The following CSMD1 variants were observed in gnomAD, a reference collection of about 807,000 sequenced individuals.
The protein encoded by CSMD1 is CUB and Sushi multiple domains 1.
In CSMD1, 213 loss-of-function variants were observed where a neutral mutation model predicts 417.5. That is an observed-to-expected ratio of 0.51 (90% CI 0.46 to 0.57). The LOEUF is 0.57. Among genes scored for constraint, CSMD1 ranks in the 20% least tolerant of loss-of-function variants. The pLI is 0.00. For missense variants in CSMD1, 6,923 were observed against 4,529.7 expected (o/e 1.53, Z -15.17); for synonymous variants, 2,862 against 1,736.8 (o/e 1.65, Z -16.11).
At position 4,355,340 on chromosome 8, in the gene CSMD1, T is replaced by TACAC. The variant is rs1476532531; in HGVS notation, c.415+64612_415+64613insGTGT. ...ACACACACACGCACACACACACACGTATATATGATATATATACACACACAC... is the reference window on the plus strand; with the variant it reads ...ACACACACACGCACACACACACACGTACACATATATGATATATATACACACACAC... On this transcript the variant is annotated intron_variant, in intron 3 of 69. Coordinates refer to ENST00000635120, the MANE Select transcript of CSMD1 (RefSeq NM_033225.6). Among the ~76,000 whole-genome samples, 50 of 135,814 alleles carry TACAC rather than the reference T, an allele frequency of 3.7e-4. 1 individual carries two copies. The highest frequency in any genetic ancestry group is 1.5e-3 in the South Asian group (6 of 3,994). 89.1% of individuals were successfully genotyped at this position (135,814 alleles called of 152,430 possible).
At chr8:4,630,715 G>A (rs1010694724) in intron 2 of CSMD1, among the ~76,000 whole-genome samples, 1 of 152,076 alleles carries the variant, frequency 6.6e-6, no homozygotes, top group Non-Finnish European at 1.5e-5. Context: ...GTCCACCTCT[G>A]GTGCCCTCAC....
intron 39 of CSMD1, among the ~76,000 whole-genome samples, chr8:3,153,363 A>T (rs751779841): frequency 3.9e-5 from 6 of 152,208 alleles, no homozygotes; most frequent in African/African-American, 1.4e-4. Context: ...CTGTCTATGG[A>T]GTAACCATTC....
intron 1 of CSMD1, among the ~76,000 whole-genome samples, chr8:4,641,783 C>T (rs1400631132): frequency 3.3e-5 from 5 of 152,020 alleles, no homozygotes; most frequent in Non-Finnish European, 5.9e-5. Flanking sequence ...TACAGACATT[C>T]GGAAAATCTA....
At chr8:3,330,104 G>C (rs1806795152) in intron 23 of CSMD1, among the ~76,000 whole-genome samples, 1 of 152,128 alleles carries the variant, frequency 6.6e-6, no homozygotes, top group African/African-American at 2.4e-5. Flanking sequence ...GGTCAAAGCA[G>C]GGTAGTGGGT....
chr8:3,444,535 G>C (rs1355691919), intron 12 of CSMD1, among the ~76,000 whole-genome samples: 1 of 152,096 alleles, frequency 6.6e-6, no homozygotes, highest in South Asian at 2.1e-4. Flanking sequence ...AATGTCTGGA[G>C]GCATTGGTAT....
chr8:4,556,999 A>G (rs1769704585), intron 2 of CSMD1, among the ~76,000 whole-genome samples: 2 of 152,244 alleles, frequency 1.3e-5, no homozygotes, highest in South Asian at 4.1e-4. Context: ...CTGAATTTCT[A>G]AAATTGAGAT....
At position 4,895,427 on chromosome 8, in the gene CSMD1, T is replaced by C. The variant is rs558112346; in HGVS notation, c.85+98905A>G. Reference sequence around the variant, plus strand: ...TTTCCCATGCAAAGCCTGAGTAAATTTCATTTTCTGTGATATCAACATTGT... The same window carrying C: ...TTTCCCATGCAAAGCCTGAGTAAATCTCATTTTCTGTGATATCAACATTGT... On this transcript the variant is annotated intron_variant, in intron 1 of 69. Coordinates refer to ENST00000635120, the MANE Select transcript of CSMD1 (RefSeq NM_033225.6). 7.9e-4 allele frequency among the ~76,000 whole-genome samples: 120 copies of C among 152,250 alleles called. 1 individual carries two copies. Among genetic ancestry groups the C allele is most frequent in the African/African-American group, 2.8e-3 (118 of 41,512 alleles).
chr8:4,355,621 A>G (rs929210692), intron 3 of CSMD1, among the ~76,000 whole-genome samples: 3 of 152,224 alleles, frequency 2.0e-5, no homozygotes, highest in Non-Finnish European at 4.4e-5. Context: ...TGAGTTAAAT[A>G]TTGCTTACAG....
intron 58 of CSMD1, among the ~76,000 whole-genome samples, chr8:2,966,318 T>C (rs1046717753): frequency 2.0e-5 from 3 of 152,130 alleles, no homozygotes; most frequent in African/African-American, 7.2e-5. Flanking sequence ...AAGTCTGGAC[T>C]TTTTTGGTCT....
intron 2 of CSMD1, among the ~76,000 whole-genome samples, chr8:4,445,691 A>C (rs1798743349): frequency 6.6e-6 from 1 of 152,158 alleles, no homozygotes; most frequent in African/African-American, 2.4e-5. Flanking sequence ...TCACTTTCCC[A>C]CAACTTGGAA....
At chr8:4,913,676 C>T (rs1305753090) in intron 1 of CSMD1, among the ~76,000 whole-genome samples, 1 of 152,134 alleles carries the variant, frequency 6.6e-6, no homozygotes, top group East Asian at 1.9e-4. Context: ...GATTAGAATT[C>T]CATCTTCATG....
intron 3 of CSMD1, among the ~76,000 whole-genome samples, chr8:4,202,475 G>C (rs1323554335): frequency 6.6e-6 from 1 of 152,136 alleles, no homozygotes; most frequent in Non-Finnish European, 1.5e-5. Flanking sequence ...TTTTAACTAA[G>C]TTTTAAACTA....
intron 3 of CSMD1, among the ~76,000 whole-genome samples, chr8:4,378,375 A>C (rs17414118): frequency 0.099 from 15,100 of 152,274 alleles, 934 homozygotes; most frequent in South Asian, 0.15. Flanking sequence ...ATGAGAAATT[A>C]GCTCACTCGT....
chr8:4,217,330 T>G (rs1800744946), intron 3 of CSMD1, among the ~76,000 whole-genome samples: 1 of 152,246 alleles, frequency 6.6e-6, no homozygotes, highest in African/African-American at 2.4e-5. Flanking sequence ...TGCCAGGTGC[T>G]GCCTTGGACT....
intron 1 of CSMD1, among the ~76,000 whole-genome samples, chr8:4,708,781 G>A (rs1025254334): frequency 1.3e-5 from 2 of 152,156 alleles, no homozygotes; most frequent in Non-Finnish European, 2.9e-5. Flanking sequence ...TATTTGGAGA[G>A]AAGATTTTGT....
chr8:3,936,455 C>A (rs924742173), intron 5 of CSMD1, among the ~76,000 whole-genome samples: 2 of 152,150 alleles, frequency 1.3e-5, no homozygotes, highest in African/African-American at 4.8e-5. Flanking sequence ...TAATGCAACT[C>A]AGGATTTTAA....
At chr8:4,834,576 G>A (rs1288573098) in intron 1 of CSMD1, among the ~76,000 whole-genome samples, 2 of 151,940 alleles carry the variant, frequency 1.3e-5, no homozygotes, top group Non-Finnish European at 2.9e-5. Context: ...GAAGTAATAC[G>A]AGTTCAAAAA....
intron 8 of CSMD1, among the ~76,000 whole-genome samples, chr8:3,606,235 T>A (rs1434555897): frequency 6.6e-6 from 1 of 152,004 alleles, no homozygotes; most frequent in Admixed American, 6.6e-5. Flanking sequence ...GGATGCAGTG[T>A]GAGAAATGCA....
intron 5 of CSMD1, among the ~76,000 whole-genome samples, chr8:3,793,499 C>T (rs989014787): frequency 2.0e-5 from 3 of 149,600 alleles, no homozygotes; most frequent in African/African-American, 7.4e-5. Flanking sequence ...CCTCTTGTGC[C>T]CCCCTCTCTA....
Sources: allele counts gnomAD v4.1 joint callset (sites outside exome capture counted in the v4.1 genomes callset), GRCh38; gene constraint gnomAD v4.1.1; transcripts MANE v1.5; gene names NCBI Gene and HGNC (gene_info 2026-07-23, HGNC 2026-07-21).